ORC3: variants seen among roughly 807,000 people sequenced by gnomAD.
ORC3 encodes the protein homolog of latheo, Drosophila.
ORC3 carries 78 observed loss-of-function variants against 100.7 expected under a neutral mutation model. The ratio of observed to expected loss-of-function variants is 0.77; its 90% CI spans 0.65 to 0.94. The LOEUF (loss-of-function observed/expected upper bound fraction) is 0.94, where lower values mean the gene tolerates loss of function less well. Ranked by LOEUF, ORC3 falls within the 40% of genes least tolerant of loss-of-function variation. The pLI is 0.00. For synonymous variants in ORC3, 295 were observed against 289.3 expected (o/e 1.02, Z -0.20); for missense variants, 789 against 823.9 (o/e 0.96, Z 0.52).
At chr6:87,628,599 C>T (rs1212845423) in intron 11 of ORC3, among the ~76,000 whole-genome samples, 1 of 152,146 alleles carries the variant, frequency 6.6e-6, no homozygotes, top group African/African-American at 2.4e-5. Context: ...ACCTTGAACT[C>T]CTTTAGCACC....
chr6:87,590,416 T>A (rs6911782), intron 1 of ORC3, among the ~76,000 whole-genome samples: 60,847 of 151,932 alleles, frequency 0.4, 12,292 homozygotes, highest in Admixed American at 0.48. Context: ...ATTTTTAAGT[T>A]CTGGTTGGTG....
chr6:87,617,626 C>T (rs377376008), intron 9 of ORC3, among the ~76,000 whole-genome samples: 43 of 151,820 alleles, frequency 2.8e-4, no homozygotes, highest in African/African-American at 9.7e-5. Context: ...CCCAGGTCCT[C>T]GGGAGGGTGA....
intron 14 of ORC3, 72 bp from the exon 15 acceptor site, chr6:87,656,834 G>T: frequency 1.1e-6 from 1 of 928,160 alleles, no homozygotes; most frequent in Non-Finnish European, 1.7e-6. Context: ...TTACTTTGGA[G>T]TAGTAGAAAT....
At chr6:87,660,198 T>C (rs941506250) in intron 16 of ORC3, among the ~76,000 whole-genome samples, 2 of 152,262 alleles carry the variant, frequency 1.3e-5, no homozygotes, top group Non-Finnish European at 2.9e-5. Flanking sequence ...TTTACCTTTC[T>C]GAGCAGTTGT....
downstream of ORC3, among the ~76,000 whole-genome samples, chr6:87,667,758 C>A (rs1426028139): frequency 2.0e-5 from 3 of 152,120 alleles, no homozygotes; most frequent in African/African-American, 7.2e-5. Context: ...GAAACCCCAT[C>A]TCTCCTAAGA....
chr6:87,675,450 T>C, the ORC3 span: 1 of 1,112,048 alleles, frequency 9.0e-7, no homozygotes, highest in Non-Finnish European at 1.3e-6. Flanking sequence ...AACCAGTTGC[T>C]GCTGCCTAAG....
rs2067506049 is a variant in ORC3, at chr6:87,634,953, G to C, written c.1294G>C (p.Gly432Arg). The change falls in exon 12 of 20, where the codon GGT becomes CGT. Residue 432 changes from glycine (G) to arginine (R), a missense_variant. Physicochemically the swap from Gly to Arg is moderately radical, Grantham distance 125. This residue lies in a region of ORC3 where 366 missense variants were observed against 394.2 expected (regional missense o/e 0.93). Transcript: ENST00000392844. ...CTCTTCTCTTCCCAAGTATCCACTAGGTCGACAGGTAATCCAAGCCTCCTC... is the reference window on the plus strand; with the variant it reads ...CTCTTCTCTTCCCAAGTATCCACTACGTCGACAGGTAATCCAAGCCTCCTC... ...FTSSLPKYPL[G>R]RQIRELYCTC... 5 of 1,474,894 alleles carry C rather than the reference G, an allele frequency of 3.4e-6. No individual in the cohort carries two copies. The highest frequency in any genetic ancestry group is 1.1e-5 in the South Asian group (1 of 88,242). The allele number at this position is 1,474,894 out of a possible 1,614,324, so 91.4% of individuals were successfully genotyped here.
intron 17 of ORC3, 51 bp downstream of exon 17, chr6:87,663,195 A>G (rs1176416384): frequency 7.0e-6 from 10 of 1,431,446 alleles, no homozygotes; most frequent in Non-Finnish European, 8.7e-6. Flanking sequence ...TCTGGGCGTC[A>G]TTGTCATAAA....
At chr6:87,603,138 C>A (rs1778089673) in intron 3 of ORC3, among the ~76,000 whole-genome samples, 2 of 151,024 alleles carry the variant, frequency 1.3e-5, no homozygotes, top group Non-Finnish European at 2.9e-5. Context: ...CACCACTACA[C>A]CCAGCTAATT....
At chr6:87,667,677 C>A (rs1770737295), downstream of ORC3, among the ~76,000 whole-genome samples, 2 of 151,936 alleles carry the variant, frequency 1.3e-5, no homozygotes, top group African/African-American at 4.8e-5. Context: ...ACCTGTAATC[C>A]CAGCACTTTG....
chr6:87,602,995 T>C (rs1389712737), intron 3 of ORC3, among the ~76,000 whole-genome samples: 1 of 118,744 alleles, frequency 8.4e-6, no homozygotes, highest in African/African-American at 3.2e-5. Flanking sequence ...AATTTTTTTT[T>C]TTGAGACAAG....
At chr6:87,618,865 C>T (rs1480756775) in intron 9 of ORC3, among the ~76,000 whole-genome samples, 1 of 151,758 alleles carries the variant, frequency 6.6e-6, no homozygotes, top group Non-Finnish European at 1.5e-5. Context: ...AGGTTAGTAC[C>T]GTTTATTAAC....
intron 9 of ORC3, among the ~76,000 whole-genome samples, chr6:87,621,032 A>G (rs1344887410): frequency 6.6e-6 from 1 of 151,862 alleles, no homozygotes; most frequent in African/African-American, 2.4e-5. Context: ...CTTTCTTTAA[A>G]CCTCAGTTTG....
At chr6:87,590,938 C>T (rs763134796) in intron 1 of ORC3, among the ~76,000 whole-genome samples, 5 of 152,064 alleles carry the variant, frequency 3.3e-5, no homozygotes, top group Non-Finnish European at 5.9e-5. Flanking sequence ...ATGTTGGCTA[C>T]CTAGATGGCA....
intron 1 of ORC3, among the ~76,000 whole-genome samples, chr6:87,590,770 G>A (rs1776787589): frequency 6.6e-6 from 1 of 152,176 alleles, no homozygotes; most frequent in Admixed American, 6.5e-5. Context: ...AGAACAGCAT[G>A]TTTCTTCGGC....
chr6:87,668,330 A>T (rs1562392040), downstream of ORC3, among the ~76,000 whole-genome samples: 1 of 152,162 alleles, frequency 6.6e-6, no homozygotes, highest in Admixed American at 6.6e-5. Context: ...GAAGAGTTTT[A>T]TGAGTATCCA....
rs1002729976 is a variant in ORC3, at chr6:87,612,233, T to A, written c.858T>A (p.Thr286=). 4.4e-6 allele frequency: 7 copies of A among 1,606,624 alleles called. No homozygotes were observed. The African/African-American group carries it at 9.4e-5, about 22-fold the overall frequency. ...CTTTGTCTTGTAAGGAGCACCTGACTACGGTACTCGATAAGGTAAAAAGAA... is the reference window on the plus strand; with the variant it reads ...CTTTGTCTTGTAAGGAGCACCTGACAACGGTACTCGATAAGGTAAAAAGAA... The part of the protein sequence containing the change: ...FQSLSCKEHL[T]TVLDKLLLTT... Residue 286 remains threonine (T), a synonymous_variant, in exon 8 of 20, where the codon ACT becomes ACA. Transcript: ENST00000392844.
At chr6:87,652,655 A>T (rs1425145447) in intron 13 of ORC3, among the ~76,000 whole-genome samples, 1 of 152,184 alleles carries the variant, frequency 6.6e-6, no homozygotes, top group African/African-American at 2.4e-5. Context: ...TTCTTATTTC[A>T]TATGTACGTT....
At chr6:87,595,075 A>G (rs747894489) in intron 2 of ORC3, 4 of 152,358 alleles carry the variant, frequency 2.6e-5, no homozygotes, top group East Asian at 1.9e-4. Flanking sequence ...TAGTAACTAC[A>G]TGTGTGTTAG....
Sources: allele counts gnomAD v4.1 joint callset (sites outside exome capture counted in the v4.1 genomes callset), GRCh38; gene constraint gnomAD v4.1.1; regional missense constraint gnomAD v4.1.1; transcripts MANE v1.5; gene names NCBI Gene and HGNC (gene_info 2026-07-23, HGNC 2026-07-21).